CNTNAP5: variants seen among roughly 807,000 people sequenced by gnomAD.
CNTNAP5 encodes contactin associated protein family member 5, also known as contactin-associated protein-like 5.
In CNTNAP5, 72 loss-of-function variants were observed where a neutral mutation model predicts 150.2. The ratio of observed to expected loss-of-function variants is 0.48; its 90% CI spans 0.40 to 0.58. The LOEUF (loss-of-function observed/expected upper bound fraction) is 0.58, where lower values mean the gene tolerates loss of function less well. Among genes scored for constraint, CNTNAP5 ranks in the 20% least tolerant of loss-of-function variants. The probability of loss-of-function intolerance (pLI) is 0.00; values close to 1 mark genes in which losing one functional copy is unlikely to be tolerated. For synonymous variants in CNTNAP5, 672 were observed against 619.8 expected, an observed-to-expected ratio of 1.08 and a Z score of -1.25; for missense variants, 1,636 against 1,626.2, an observed-to-expected ratio of 1.01 and a Z score of -0.10.
rs527428214 is a variant in CNTNAP5, at chr2:124,603,135, G to C, written c.1757-6666G>C. Among the ~76,000 whole-genome samples the C allele has an allele frequency of 1.1e-3, 161 of 150,964 alleles. 1 individual carries two copies. The highest frequency in any genetic ancestry group is 3.8e-3 in the African/African-American group (158 of 41,100). ...AGGGTCTAAACAAGATCTAAGCATA[G>C]TGTTTGACTGACTGATATATCTTTT... On this transcript the variant is annotated intron_variant, in intron 11 of 23. Transcript: ENST00000682447.
intron 13 of CNTNAP5, among the ~76,000 whole-genome samples, chr2:124,651,484 C>T (rs899006252): frequency 6.6e-6 from 1 of 152,156 alleles, no homozygotes; most frequent in Non-Finnish European, 1.5e-5. Context: ...AACAGATCTG[C>T]ACCATAAGAG....
chr2:124,410,038 C>A (rs1424708946), intron 3 of CNTNAP5, among the ~76,000 whole-genome samples: 3 of 152,000 alleles, frequency 2.0e-5, no homozygotes, highest in South Asian at 2.1e-4. Flanking sequence ...GGAGGAAGAT[C>A]TACCAAGCAA....
intron 3 of CNTNAP5, among the ~76,000 whole-genome samples, chr2:124,259,580 G>A (rs1033297219): frequency 6.6e-5 from 10 of 152,266 alleles, no homozygotes; most frequent in African/African-American, 2.2e-4. Context: ...TCTCATTGTG[G>A]TTTTGATTTG....
At chr2:124,339,074 C>A (rs1437656997) in intron 3 of CNTNAP5, among the ~76,000 whole-genome samples, 1 of 152,098 alleles carries the variant, frequency 6.6e-6, no homozygotes, top group South Asian at 2.1e-4. Context: ...TTGCTGAGTG[C>A]CTTATGTTTT....
intron 9 of CNTNAP5, among the ~76,000 whole-genome samples, chr2:124,526,520 G>A (rs1004886004): frequency 6.6e-6 from 1 of 152,152 alleles, no homozygotes; most frequent in African/African-American, 2.4e-5. Flanking sequence ...TTGGGATGGA[G>A]TTCGTATGGA....
intron 5 of CNTNAP5, among the ~76,000 whole-genome samples, chr2:124,440,782 T>C (rs1483230381): frequency 6.6e-6 from 1 of 152,178 alleles, no homozygotes; most frequent in Non-Finnish European, 1.5e-5. Flanking sequence ...TCTATTTCTG[T>C]CCCAAAAGTT....
chr2:124,400,453 T>C (rs1691376393), intron 3 of CNTNAP5, among the ~76,000 whole-genome samples: 2 of 152,050 alleles, frequency 1.3e-5, no homozygotes, highest in Non-Finnish European at 2.9e-5. Context: ...CATCTTTGTT[T>C]CTATTTTTCT....
chr2:124,630,472 C>T lies in CNTNAP5; in HGVS notation c.1877-17286C>T, dbSNP rs773799583. ...ACATAAACAGAACTAAAGATAAAAA[C>T]CACATGATTATCTCAATAGACACAG... is the stretch of plus-strand genomic sequence containing the variant. On this transcript the variant is annotated intron_variant, in intron 12 of 23. Transcript: ENST00000682447. Among the ~76,000 whole-genome samples the T allele has an allele frequency of 6.4e-4, 98 of 152,094 alleles. 2 individuals carry two copies. The highest frequency in any genetic ancestry group is 4.0e-3 in the Admixed American group (61 of 15,258).
At chr2:124,800,961 G>T (rs1681954512) in intron 19 of CNTNAP5, among the ~76,000 whole-genome samples, 1 of 152,068 alleles carries the variant, frequency 6.6e-6, no homozygotes, top group South Asian at 2.1e-4. Flanking sequence ...ATTTTAGTTA[G>T]CTCAGGCTAA....
chr2:124,754,847 C>G (rs1016031362), intron 14 of CNTNAP5, among the ~76,000 whole-genome samples: 1 of 151,892 alleles, frequency 6.6e-6, no homozygotes, highest in Non-Finnish European at 1.5e-5. Context: ...ACCATTGTGC[C>G]CAGCCTACAT....
At chr2:124,785,974 A>G (rs956809800) in intron 17 of CNTNAP5, among the ~76,000 whole-genome samples, 7 of 152,118 alleles carry the variant, frequency 4.6e-5, no homozygotes, top group African/African-American at 1.7e-4. Context: ...TGTGGTTCAC[A>G]CCTGTAATCC....
At chr2:124,841,993 A>G (rs1403567130) in intron 19 of CNTNAP5, among the ~76,000 whole-genome samples, 1 of 152,198 alleles carries the variant, frequency 6.6e-6, no homozygotes, top group Admixed American at 6.5e-5. Flanking sequence ...AATGGCTGAC[A>G]TTAGTTCCAA....
intron 11 of CNTNAP5, among the ~76,000 whole-genome samples, chr2:124,567,846 T>TAGATAGATAG (rs1325893426): frequency 1.3e-4 from 15 of 115,244 alleles, no homozygotes; most frequent in African/African-American, 4.3e-4. Flanking sequence ...GATAGATAGA[T>TAGATAGATAG]AGATAGATAG....
intron 21 of CNTNAP5, among the ~76,000 whole-genome samples, chr2:124,871,650 G>A (rs933546667): frequency 1.3e-5 from 2 of 152,122 alleles, no homozygotes; most frequent in African/African-American, 4.8e-5. Flanking sequence ...TTGCTACCAA[G>A]AAGTCCGCTG....
chr2:124,900,655 C>A (rs1412922696), intron 21 of CNTNAP5, among the ~76,000 whole-genome samples: 1 of 151,566 alleles, frequency 6.6e-6, no homozygotes. Flanking sequence ...TGATGTCCTC[C>A]AAGGACCTGG....
chr2:124,677,346 C>T (rs1678965733), intron 13 of CNTNAP5, among the ~76,000 whole-genome samples: 1 of 151,982 alleles, frequency 6.6e-6, no homozygotes, highest in Admixed American at 6.6e-5. Flanking sequence ...GTAGTGTGGA[C>T]CTAAAGAGTA....
intron 12 of CNTNAP5, among the ~76,000 whole-genome samples, chr2:124,632,463 A>G (rs537916698): frequency 6.6e-6 from 1 of 152,288 alleles, no homozygotes; most frequent in South Asian, 2.1e-4. Flanking sequence ...ACAGAAAACC[A>G]AACACTACAT....
chr2:124,196,290 T>C (rs1223774903), intron 1 of CNTNAP5, among the ~76,000 whole-genome samples: 1 of 152,108 alleles, frequency 6.6e-6, no homozygotes, highest in African/African-American at 2.4e-5. Flanking sequence ...GGATTTTCAA[T>C]CCACATCCTG....
chr2:124,800,889 G>C (rs1391539267), intron 19 of CNTNAP5, among the ~76,000 whole-genome samples: 1 of 152,144 alleles, frequency 6.6e-6, no homozygotes, highest in Non-Finnish European at 1.5e-5. Flanking sequence ...CAGTCCTCAG[G>C]AGGTCCTGAG....
Sources: allele counts gnomAD v4.1 joint callset (sites outside exome capture counted in the v4.1 genomes callset), GRCh38; gene constraint gnomAD v4.1.1; transcripts MANE v1.5; gene names NCBI Gene and HGNC (gene_info 2026-07-23, HGNC 2026-07-21).